IGBP1C: variants seen among roughly 807,000 people sequenced by gnomAD.
The protein encoded by IGBP1C is IGBP1 family member C.
chr17:58,685,057 ATG>A, the IGBP1C span, among the ~76,000 whole-genome samples: 2 of 152,270 alleles, frequency 1.3e-5, no homozygotes, highest in African/African-American at 4.8e-5. Context: ...TCTAAACCAT[ATG>A]TAGAAATAAT....
chr17:58,664,568 G>A, the IGBP1C span, among the ~76,000 whole-genome samples: 4 of 152,204 alleles, frequency 2.6e-5, no homozygotes, highest in African/African-American at 9.7e-5. Context: ...GAATAATGCA[G>A]AGACTGAGTC....
chr17:58,689,992 G>A, the IGBP1C span, among the ~76,000 whole-genome samples: 1 of 151,682 alleles, frequency 6.6e-6, no homozygotes, highest in African/African-American at 2.4e-5. Flanking sequence ...TGGGACTACA[G>A]GCGCCCACCA....
At chr17:58,669,733 C>CAAGA in the IGBP1C span, among the ~76,000 whole-genome samples, 1 of 56,300 alleles carries the variant, frequency 1.8e-5, no homozygotes, top group Non-Finnish European at 3.5e-5. Context: ...GACTCCGTCT[C>CAAGA]AAAAAAAAAA....
chr17:58,661,695 C>A, the IGBP1C span: 1 of 594,898 alleles, frequency 1.7e-6, no homozygotes, highest in South Asian at 2.1e-5. Context: ...GAATCGGGCG[C>A]TGCACGGCAG....
At chr17:58,684,384 C>A in the IGBP1C span, among the ~76,000 whole-genome samples, 1 of 151,678 alleles carries the variant, frequency 6.6e-6, no homozygotes, top group South Asian at 2.1e-4. Context: ...ATCGCTTGAA[C>A]ACGGGAGGCG....
At chr17:58,661,258 G>GT in the IGBP1C span, 1 of 799,062 alleles carries the variant, frequency 1.3e-6, no homozygotes. Flanking sequence ...ACTGAGTTAA[G>GT]TATTTTATAA....
the IGBP1C span, among the ~76,000 whole-genome samples, chr17:58,664,347 T>A: frequency 6.6e-6 from 1 of 152,210 alleles, no homozygotes; most frequent in Non-Finnish European, 1.5e-5. Flanking sequence ...ACAGACCCTT[T>A]TTCCTATGCT....
At chr17:58,684,050 C>T in the IGBP1C span, among the ~76,000 whole-genome samples, 36,414 of 150,992 alleles carry the variant, frequency 0.24, 5,268 homozygotes, top group Middle Eastern at 0.42. Context: ...GGCTACAGAG[C>T]GATAGGACCT....
the IGBP1C span, chr17:58,679,817 C>G: frequency 4.6e-5 from 7 of 152,196 alleles, no homozygotes; most frequent in African/African-American, 1.4e-4. Context: ...ACTACAATAA[C>G]CCAGCACCTG....
At chr17:58,664,076 T>G in the IGBP1C span, among the ~76,000 whole-genome samples, 1 of 152,094 alleles carries the variant, frequency 6.6e-6, no homozygotes, top group Non-Finnish European at 1.5e-5. Context: ...AAAACCCAAC[T>G]CCACACTATT....
chr17:58,669,755 A>G, the IGBP1C span, among the ~76,000 whole-genome samples: 5 of 151,624 alleles, frequency 3.3e-5, no homozygotes, highest in African/African-American at 4.8e-5. Flanking sequence ...AAAAAAAAAA[A>G]AGCCAGCAAC....
At chr17:58,680,655 G>C in the IGBP1C span, among the ~76,000 whole-genome samples, 84 of 152,132 alleles carry the variant, frequency 5.5e-4, no homozygotes, top group Admixed American at 1.2e-3. Flanking sequence ...AGAACCTCTT[G>C]AACCTAGGAG....
At chr17:58,666,980 T>G in the IGBP1C span, among the ~76,000 whole-genome samples, 1 of 152,170 alleles carries the variant, frequency 6.6e-6, no homozygotes, top group African/African-American at 2.4e-5. Flanking sequence ...TCGGCCCGCT[T>G]CCAACCAGCA....
the IGBP1C span, among the ~76,000 whole-genome samples, chr17:58,688,443 C>T: frequency 5.3e-5 from 8 of 152,130 alleles, no homozygotes; most frequent in South Asian, 8.3e-4. Flanking sequence ...TTTTAAAAAA[C>T]GTCTCAGCAT....
the IGBP1C span, among the ~76,000 whole-genome samples, chr17:58,685,181 T>C: frequency 6.6e-6 from 1 of 151,276 alleles, no homozygotes; most frequent in African/African-American, 2.4e-5. Context: ...GGACCTGTTT[T>C]GAAGCACGTT....
chr17:58,678,377 T>A, the IGBP1C span, among the ~76,000 whole-genome samples: 6 of 152,294 alleles, frequency 3.9e-5, no homozygotes, highest in Non-Finnish European at 2.9e-5. Context: ...CATGCACGTG[T>A]ATGCTTATTG....
At chr17:58,670,212 ATCAG>A in the IGBP1C span, among the ~76,000 whole-genome samples, 2 of 152,276 alleles carry the variant, frequency 1.3e-5, no homozygotes, top group South Asian at 2.1e-4. Context: ...CTGTGTGATT[ATCAG>A]TCAGTTTCCT....
the IGBP1C span, among the ~76,000 whole-genome samples, chr17:58,686,114 G>A: frequency 6.6e-6 from 1 of 152,160 alleles, no homozygotes; most frequent in South Asian, 2.1e-4. Context: ...ACTTTGGGAG[G>A]CCGAGGAGTC....
At chr17:58,665,545 G>A in the IGBP1C span, among the ~76,000 whole-genome samples, 21 of 151,958 alleles carry the variant, frequency 1.4e-4, no homozygotes, top group Non-Finnish European at 2.8e-4. Context: ...GCAGTGAGCC[G>A]AGATCGCGCC....
Sources: allele counts gnomAD v4.1 joint callset (sites outside exome capture counted in the v4.1 genomes callset), GRCh38; gene constraint gnomAD v4.1.1; transcripts MANE v1.5; gene names NCBI Gene and HGNC (gene_info 2026-07-23, HGNC 2026-07-21).